VPS13A: variants seen among roughly 807,000 people sequenced by gnomAD.
VPS13A encodes intermembrane lipid transfer protein VPS13A.
VPS13A carries 264 observed loss-of-function variants against 390.9 expected under a neutral mutation model. That is an observed-to-expected ratio of 0.68 (90% CI 0.61 to 0.75). The LOEUF (loss-of-function observed/expected upper bound fraction) is 0.75, where lower values mean the gene tolerates loss of function less well. Ranked by LOEUF, VPS13A falls within the 30% of genes least tolerant of loss-of-function variation. The probability of loss-of-function intolerance (pLI) is 0.00; values close to 1 mark genes in which losing one functional copy is unlikely to be tolerated. For synonymous variants in VPS13A, 1,231 were observed against 1,227.1 expected, an observed-to-expected ratio of 1.00 and a Z score of -0.07; for missense variants, 3,409 against 3,733.9, an observed-to-expected ratio of 0.91 and a Z score of 2.27.
At chr9:77,223,893 A>G (rs1823361908) in intron 13 of VPS13A, among the ~76,000 whole-genome samples, 1 of 152,146 alleles carries the variant, frequency 6.6e-6, no homozygotes, top group Non-Finnish European at 1.5e-5. Context: ...AGAGTGAAAA[A>G]GTTAATATCT....
intron 1 of VPS13A, among the ~76,000 whole-genome samples, chr9:77,199,548 G>A (rs1012598529): frequency 1.3e-5 from 2 of 151,702 alleles, no homozygotes; most frequent in African/African-American, 2.4e-5. Flanking sequence ...TTTTATTTAC[G>A]TATCTTGGGG....
At chr9:77,308,652 G>A (rs1828902455) in intron 35 of VPS13A, among the ~76,000 whole-genome samples, 1 of 152,174 alleles carries the variant, frequency 6.6e-6, no homozygotes, top group South Asian at 2.1e-4. Flanking sequence ...TGGATCCAGT[G>A]TGCTCTGTGG....
At position 77,348,715 on chromosome 9, in the gene VPS13A, T is replaced by C. The variant is rs17063555; in HGVS notation, c.7290-2602T>C. On this transcript the variant is annotated intron_variant, in intron 52 of 71. Coordinates refer to ENST00000360280, the MANE Select transcript of VPS13A (RefSeq NM_033305.3). ...GTTTTTGATAGCACCTTTACATATG[T>C]AGATTGCAGCATTCGTCACATTGTG... Among the ~76,000 whole-genome samples the C allele has an allele frequency of 8.5e-3, 1,287 of 152,298 alleles. 10 individuals are homozygous for C. Among genetic ancestry groups the C allele is most frequent in the South Asian group, 0.014 (67 of 4,822 alleles).
At chr9:77,313,346 T>C (rs1829203923) in intron 35 of VPS13A, among the ~76,000 whole-genome samples, 1 of 152,208 alleles carries the variant, frequency 6.6e-6, no homozygotes, top group African/African-American at 2.4e-5. Flanking sequence ...TATGTGGAAA[T>C]ATACACTTAT....
chr9:77,291,397 A>G (rs1462808279), intron 31 of VPS13A, among the ~76,000 whole-genome samples: 2 of 152,292 alleles, frequency 1.3e-5, no homozygotes, highest in East Asian at 3.9e-4. Flanking sequence ...ATAGCATAAT[A>G]GAGACTGAGG....
rs1401705469 is a variant in VPS13A at position 77,369,487 on chromosome 9, G to A, written c.8667+75G>A. ...ATAGATAATACTTTTCTATTGTTAAGTTGAGTTAATAAGTGCAAACAGATT... is the reference window on the plus strand; with the variant it reads ...ATAGATAATACTTTTCTATTGTTAAATTGAGTTAATAAGTGCAAACAGATT... On this transcript the variant is annotated intron_variant, in intron 63 of 71. Coordinates refer to ENST00000360280, the MANE Select transcript of VPS13A (RefSeq NM_033305.3). 4 of 1,028,472 alleles carry A rather than the reference G, an allele frequency of 3.9e-6. No individual in the cohort carries two copies. The East Asian group carries it at 9.5e-5, about 25-fold the overall frequency. 63.7% of individuals were successfully genotyped at this position (1,028,472 alleles called of 1,614,324 possible).
chr9:77,294,815 A>G (rs754654882), intron 32 of VPS13A, among the ~76,000 whole-genome samples: 1 of 152,066 alleles, frequency 6.6e-6, no homozygotes, highest in Non-Finnish European at 1.5e-5. Context: ...AGCAAATCCC[A>G]TCTCAGCCTC....
chr9:77,285,834 A>G (rs995709956), intron 31 of VPS13A, among the ~76,000 whole-genome samples: 2 of 152,186 alleles, frequency 1.3e-5, no homozygotes, highest in African/African-American at 2.4e-5. Context: ...TTGATATACC[A>G]CTTAAGTCTG....
chr9:77,245,733 C>T (rs1824769296), intron 19 of VPS13A, among the ~76,000 whole-genome samples: 1 of 152,176 alleles, frequency 6.6e-6, no homozygotes, highest in Non-Finnish European at 1.5e-5. Context: ...ATAACAGTTT[C>T]TCATATTTCA....
In VPS13A at chr9:77,226,468, A is replaced by G. The variant is rs1342668154; in HGVS notation, c.1227A>G (p.Val409=). The G allele has an allele frequency of 1.9e-6, 3 of 1,606,914 alleles. No homozygotes were observed. The highest frequency in any genetic ancestry group is 3.3e-5 in the Admixed American group (2 of 59,904). Residue 409 remains valine, a splice_region_variant and synonymous_variant, in exon 15 of 72, where the codon GTA becomes GTG. Transcript: ENST00000360280. The part of the protein sequence containing the change: ...TIARQTAEVE[V]KKAGYKIYKE... ...ATTTGAAAATTTATTCATTTTAGGT[A>G]AAGAAAGCTGGATACAAAATTTACA...
In VPS13A at chr9:77,216,577, A is replaced by G. The variant is rs118069105; in HGVS notation, c.754+2191A>G. On this transcript the variant is annotated intron_variant, in intron 10 of 71. Transcript: ENST00000360280. ...TGAGAGAAGTCCTTATACTGAGTAG[A>G]TGAGTAGATATGGTGATAAGAGTTG... Among the ~76,000 whole-genome samples, 1,467 of 152,284 alleles carry G rather than the reference A, an allele frequency of 9.6e-3. 20 individuals carry two copies. Among genetic ancestry groups the G allele is most frequent in the East Asian group, 0.057 (294 of 5,178 alleles).
chr9:77,335,278 A>G (rs1402533904), intron 46 of VPS13A, among the ~76,000 whole-genome samples: 1 of 152,250 alleles, frequency 6.6e-6, no homozygotes, highest in Non-Finnish European at 1.5e-5. Flanking sequence ...AAGATTAACC[A>G]TGTGACAACC....
At chr9:77,337,049 G>A (rs1467648678) in intron 46 of VPS13A, among the ~76,000 whole-genome samples, 3 of 151,550 alleles carry the variant, frequency 2.0e-5, no homozygotes, top group African/African-American at 7.3e-5. Flanking sequence ...CGCCCGTCTC[G>A]GCCTCCCAAA....
At chr9:77,274,971 A>ATTACATATCAACGTATAT (rs1458070387) in intron 24 of VPS13A, among the ~76,000 whole-genome samples, 1 of 152,118 alleles carries the variant, frequency 6.6e-6, no homozygotes, top group Non-Finnish European at 1.5e-5. Flanking sequence ...GCTGATGTGT[A>ATTACATATCAACGTATAT]TTACATATCA....
chr9:77,212,435 T>G (rs145082526), intron 7 of VPS13A, among the ~76,000 whole-genome samples: 1 of 152,272 alleles, frequency 6.6e-6, no homozygotes, highest in East Asian at 1.9e-4. Flanking sequence ...AGGTTATATA[T>G]AACATCTCTT....
At chr9:77,224,762 G>A (rs1242767250) in intron 13 of VPS13A, among the ~76,000 whole-genome samples, 5 of 152,212 alleles carry the variant, frequency 3.3e-5, no homozygotes, top group Non-Finnish European at 5.9e-5. Context: ...CAGCACTGCT[G>A]TTTGAGAGGA....
intron 50 of VPS13A, among the ~76,000 whole-genome samples, chr9:77,341,691 CTTTTTTTTTTTTT>C (rs57841628): frequency 8.2e-4 from 31 of 37,840 alleles, no homozygotes; most frequent in South Asian, 2.7e-3. Context: ...GACATCTTTC[CTTTTTTTTTTTTT>C]TTTTTTTTTT....
At chr9:77,249,830 T>G (rs894172778) in intron 20 of VPS13A, among the ~76,000 whole-genome samples, 2 of 152,192 alleles carry the variant, frequency 1.3e-5, no homozygotes, top group East Asian at 3.8e-4. Context: ...TTTAAAAAAT[T>G]TGTAGACATA....
chr9:77,247,315 G>T lies in VPS13A; in HGVS notation c.1957G>T (p.Ala653Ser), dbSNP rs1294055057. 1.2e-6 allele frequency: 2 copies of T among 1,608,648 alleles called. No individual in the cohort carries two copies. The highest frequency in any genetic ancestry group is 1.7e-6 in the Non-Finnish European group (2 of 1,177,090). ...KVLDLKINLK[A>S]SYIIVPQDGI... is the part of the protein sequence containing the mutation. ...TCTTGATCTCAAAATTAATTTGAAG[G>T]CTTCATATATTATTGTCCCACAAGA... Residue 653 changes from alanine to serine, a missense_variant, in exon 20 of 72, where the codon GCT (alanine) becomes TCT (serine). By Grantham distance (99) the Ala-to-Ser change is moderately conservative. Transcript: ENST00000360280.
Sources: gnomAD v4.1 joint callset for allele counts (sites outside exome capture counted in the v4.1 genomes callset) on GRCh38, gnomAD v4.1.1 for gene constraint, MANE v1.5 for transcripts, NCBI Gene and HGNC (gene_info 2026-07-23, HGNC 2026-07-21) for gene names.